The following ASTN1 variants were observed in gnomAD, a reference collection of about 807,000 sequenced individuals.
ASTN1 encodes the protein astrotactin 1, also known as astrotactin-1.
In ASTN1, 41 loss-of-function variants were observed where a neutral mutation model predicts 140.7. The observed-to-expected ratio is 0.29, with a 90% CI of 0.23 to 0.38. The LOEUF (loss-of-function observed/expected upper bound fraction) is 0.38. Ranked by LOEUF, ASTN1 falls within the 10% of genes least tolerant of loss-of-function variation. ASTN1 has a pLI of 1.00. For synonymous variants in ASTN1, 640 were observed against 652.2 expected, an observed-to-expected ratio of 0.98 and a Z score of 0.29; for missense variants, 1,479 against 1,678.8, an observed-to-expected ratio of 0.88 and a Z score of 2.08.
chr1:177,132,856 A>C (rs1682006458), intron 1 of ASTN1, among the ~76,000 whole-genome samples: 1 of 152,170 alleles, frequency 6.6e-6, no homozygotes, highest in African/African-American at 2.4e-5. Context: ...GCATTTCCCA[A>C]GTAAAATGAT....
intron 1 of ASTN1, among the ~76,000 whole-genome samples, chr1:177,094,081 T>A (rs1033062170): frequency 6.6e-6 from 1 of 152,338 alleles, no homozygotes; most frequent in African/African-American, 2.4e-5. Flanking sequence ...TTAGTGCTGC[T>A]TTTATATTAA....
rs764990907 is a variant in ASTN1, at chr1:176,907,487, A to G, written c.2672-12657T>C. Among the ~76,000 whole-genome samples, 3 of 152,226 alleles carry G rather than the reference A, an allele frequency of 2.0e-5. No individual in the cohort carries two copies. In the South Asian group the frequency reaches 6.2e-4, roughly 32 times the overall value. ...TGACGTTCGTCTGAACTGTCCTACAAGTAACCAAAAGTATTACTTCACAAG... is the reference window on the plus strand; with the variant it reads ...TGACGTTCGTCTGAACTGTCCTACAGGTAACCAAAAGTATTACTTCACAAG... On this transcript the variant is annotated intron_variant, in intron 16 of 22. Transcript: ENST00000361833.
intron 16 of ASTN1, among the ~76,000 whole-genome samples, chr1:176,920,011 TTTTC>T (rs753588532): frequency 3.3e-5 from 5 of 152,222 alleles, no homozygotes; most frequent in Non-Finnish European, 7.3e-5. Flanking sequence ...TTCTTTCTAC[TTTTC>T]TTTTTCTTTC....
chr1:176,860,459 G>A (rs1667928213), downstream of ASTN1, among the ~76,000 whole-genome samples: 1 of 152,184 alleles, frequency 6.6e-6, no homozygotes, highest in Non-Finnish European at 1.5e-5. Context: ...TGGTAGCTGA[G>A]ATAATCTCTA....
At chr1:176,950,275 A>C (rs1672141843) in intron 11 of ASTN1, among the ~76,000 whole-genome samples, 1 of 152,170 alleles carries the variant, frequency 6.6e-6, no homozygotes, top group South Asian at 2.1e-4. Flanking sequence ...CATTTTGCAT[A>C]TGAGGCAACT....
intron 8 of ASTN1, among the ~76,000 whole-genome samples, chr1:177,008,304 G>A (rs955745515): frequency 1.3e-5 from 2 of 152,026 alleles, no homozygotes. Flanking sequence ...TGGTCTGTTG[G>A]ACACAGAAAA....
At chr1:177,158,655 C>T (rs1384122880) in intron 1 of ASTN1, among the ~76,000 whole-genome samples, 2 of 142,612 alleles carry the variant, frequency 1.4e-5, no homozygotes, top group Admixed American at 7.1e-5. Flanking sequence ...GAAAAAAGTA[C>T]GTGTGTGTGT....
chr1:176,934,703 C>T (rs1671359799), intron 15 of ASTN1, among the ~76,000 whole-genome samples: 1 of 151,518 alleles, frequency 6.6e-6, no homozygotes, highest in African/African-American at 2.4e-5. Flanking sequence ...AAACAATTAG[C>T]ATAGTCTAAA....
At chr1:177,065,140 C>CT (rs1678290833) in intron 1 of ASTN1, among the ~76,000 whole-genome samples, 1 of 152,170 alleles carries the variant, frequency 6.6e-6, no homozygotes. Context: ...TCACAGTGTA[C>CT]TGAATAAGCA....
At chr1:177,062,294 G>A (rs575266290) in intron 1 of ASTN1, among the ~76,000 whole-genome samples, 26 of 151,480 alleles carry the variant, frequency 1.7e-4, no homozygotes, top group African/African-American at 6.1e-4. Flanking sequence ...AGGCTAGAGA[G>A]CACTGGTGCA....
intron 16 of ASTN1, among the ~76,000 whole-genome samples, chr1:176,901,662 C>T (rs140581803): frequency 5.1e-4 from 77 of 152,306 alleles, no homozygotes; most frequent in African/African-American, 1.7e-3. Context: ...TGAAACCCTG[C>T]GTCTTCTGCA....
At chr1:176,949,378 A>T (rs765710792) in intron 11 of ASTN1, 27 bp from the exon 12 acceptor site, 86 of 1,599,252 alleles carry the variant, frequency 5.4e-5, no homozygotes, top group Non-Finnish European at 6.8e-5. Context: ...ACATCCACAT[A>T]CGTGGGTGAA....
At chr1:177,034,459 T>C (rs186611833) in intron 2 of ASTN1, among the ~76,000 whole-genome samples, 1 of 152,248 alleles carries the variant, frequency 6.6e-6, no homozygotes, top group East Asian at 1.9e-4. Context: ...CTTATGCAAG[T>C]ATAGAGAAAG....
chr1:176,873,348 T>C (rs1668428057), intron 21 of ASTN1, among the ~76,000 whole-genome samples: 1 of 152,142 alleles, frequency 6.6e-6, no homozygotes. Flanking sequence ...TTGAACCTAC[T>C]GGGGGAAGGC....
chr1:177,049,353 T>C (rs989370614), intron 2 of ASTN1, among the ~76,000 whole-genome samples: 3 of 152,222 alleles, frequency 2.0e-5, no homozygotes, highest in African/African-American at 7.2e-5. Flanking sequence ...AATAATCAAC[T>C]ATAACATCAA....
chr1:177,117,797 C>T (rs1382586809), intron 1 of ASTN1, among the ~76,000 whole-genome samples: 1 of 152,130 alleles, frequency 6.6e-6, no homozygotes, highest in Non-Finnish European at 1.5e-5. Context: ...CTGTACTGCC[C>T]TTCACCTCTA....
At chr1:176,868,027 T>A (rs545619565) in intron 22 of ASTN1, among the ~76,000 whole-genome samples, 1 of 152,220 alleles carries the variant, frequency 6.6e-6, no homozygotes, top group South Asian at 2.1e-4. Flanking sequence ...TTTTTTCTAT[T>A]CTCACAGCTC....
At chr1:176,970,145 A>T (rs150283505) in intron 8 of ASTN1, among the ~76,000 whole-genome samples, 208 of 152,244 alleles carry the variant, frequency 1.4e-3, no homozygotes, top group African/African-American at 4.8e-3. Flanking sequence ...TTTCTCTCCC[A>T]ATTCTCTCTC....
intron 18 of ASTN1, among the ~76,000 whole-genome samples, chr1:176,884,754 T>G (rs961169084): frequency 6.6e-6 from 1 of 152,222 alleles, no homozygotes; most frequent in Non-Finnish European, 1.5e-5. Context: ...CAAAGATTAA[T>G]GAATGTCTGC....
Sources: gnomAD v4.1 joint callset for allele counts (sites outside exome capture counted in the v4.1 genomes callset) on GRCh38, gnomAD v4.1.1 for gene constraint, MANE v1.5 for transcripts, NCBI Gene and HGNC (gene_info 2026-07-23, HGNC 2026-07-21) for gene names.